RTN4RL1: variants seen among roughly 807,000 people sequenced by gnomAD.
RTN4RL1 encodes reticulon-4 receptor-like 1.
Under a neutral mutation model 25.6 loss-of-function variants are expected in RTN4RL1, and 7 were observed. The ratio of observed to expected loss-of-function variants is 0.27; its 90% CI spans 0.16 to 0.51. The LOEUF is 0.51. Ranked by LOEUF, RTN4RL1 falls within the 20% of genes least tolerant of loss-of-function variation. RTN4RL1 has a pLI of 0.97. For synonymous variants in RTN4RL1, 297 were observed against 288.2 expected, an observed-to-expected ratio of 1.03 and a Z score of -0.31; for missense variants, 500 against 615.6, an observed-to-expected ratio of 0.81 and a Z score of 1.99.
chr17:1,984,995 G>C (rs2066882044), intron 1 of RTN4RL1, among the ~76,000 whole-genome samples: 1 of 152,078 alleles, frequency 6.6e-6, no homozygotes, highest in South Asian at 2.1e-4. Flanking sequence ...AGAAAAATAG[G>C]AGAAATGGAA....
Position 1,998,138 on chromosome 17 carries a change from G to A in RTN4RL1, c.13+26715C>T, listed in dbSNP as rs1225920345. Among the ~76,000 whole-genome samples, 3 of 152,264 alleles carry A rather than the reference G, an allele frequency of 2.0e-5. No homozygotes were observed. The highest frequency in any genetic ancestry group is 7.2e-5 in the African/African-American group (3 of 41,566). ...GGCAGGGGAGCCAGACGGCGGCGGAGGGGGCGGGGAGGCCTCCTTGGCTCC... is the reference window on the plus strand; with the variant it reads ...GGCAGGGGAGCCAGACGGCGGCGGAAGGGGCGGGGAGGCCTCCTTGGCTCC... On this transcript the variant is annotated intron_variant, in intron 1 of 1. Coordinates refer to ENST00000331238, the MANE Select transcript of RTN4RL1 (RefSeq NM_178568.4). This position sits in a 1 kb window ranked among gnomAD's most constrained non-coding sequence, Gnocchi z 4.9.
At chr17:1,991,838 C>T (rs1052188215) in intron 1 of RTN4RL1, among the ~76,000 whole-genome samples, 4 of 152,162 alleles carry the variant, frequency 2.6e-5, no homozygotes, top group African/African-American at 9.7e-5. Flanking sequence ...CTCCCACATG[C>T]GCATTTCTGC....
intron 1 of RTN4RL1, among the ~76,000 whole-genome samples, chr17:2,002,514 A>G (rs7215572): frequency 0.74 from 111,397 of 150,646 alleles, 41,999 homozygotes; most frequent in African/African-American, 0.88. Flanking sequence ...GGATGGTCTC[A>G]ATCTCCTGAC....
intron 1 of RTN4RL1, among the ~76,000 whole-genome samples, chr17:2,023,853 C>T (rs1442410055): frequency 6.6e-6 from 1 of 152,214 alleles, no homozygotes; most frequent in Non-Finnish European, 1.5e-5. Flanking sequence ...GCTCCCGCCT[C>T]AGCCGCTCCC....
At chr17:1,987,276 G>C (rs978836155) in intron 1 of RTN4RL1, among the ~76,000 whole-genome samples, 1 of 152,050 alleles carries the variant, frequency 6.6e-6, no homozygotes, top group African/African-American at 2.4e-5. Flanking sequence ...ATCAACACCT[G>C]CTCCCAGGCC....
At chr17:1,959,345 C>T (rs569156972) in intron 1 of RTN4RL1, among the ~76,000 whole-genome samples, 1 of 152,332 alleles carries the variant, frequency 6.6e-6, no homozygotes, top group South Asian at 2.1e-4. Context: ...CTTGGCAGCA[C>T]TGGACACAGT....
At chr17:2,011,531 T>C (rs2067049737) in intron 1 of RTN4RL1, among the ~76,000 whole-genome samples, 2 of 151,756 alleles carry the variant, frequency 1.3e-5, no homozygotes, top group Non-Finnish European at 2.9e-5. Context: ...GCTTTGGATG[T>C]GGGGCAAGAG....
Position 2,006,307 on chromosome 17 carries a change from G to A in RTN4RL1, c.13+18546C>T, listed in dbSNP as rs191188787. Among the ~76,000 whole-genome samples, 760 of 152,110 alleles carry A rather than the reference G, an allele frequency of 5.0e-3. 5 individuals are homozygous for A. The highest frequency in any genetic ancestry group is 8.3e-3 in the Non-Finnish European group (564 of 67,998). On this transcript the variant is annotated intron_variant, in intron 1 of 1. Transcript: ENST00000331238. ...CAAGTAGCTGGGATTACAGGCGCGCGCCACCACACCCAGCTAATTTTTTTG... is the reference window on the plus strand; with the variant it reads ...CAAGTAGCTGGGATTACAGGCGCGCACCACCACACCCAGCTAATTTTTTTG...
chr17:1,971,466 C>T (rs975256832), intron 1 of RTN4RL1, among the ~76,000 whole-genome samples: 20 of 152,128 alleles, frequency 1.3e-4, no homozygotes, highest in African/African-American at 4.8e-4. Flanking sequence ...GGAAGCTGAG[C>T]CTCAAAGAGG....
chr17:1,951,678 C>T (rs1458022464), intron 1 of RTN4RL1, among the ~76,000 whole-genome samples: 2 of 152,056 alleles, frequency 1.3e-5, no homozygotes, highest in Non-Finnish European at 2.9e-5. Flanking sequence ...GTCTCGAACT[C>T]CTGACCTCAG....
At chr17:1,953,395 C>T (rs1255340673) in intron 1 of RTN4RL1, among the ~76,000 whole-genome samples, 1 of 151,888 alleles carries the variant, frequency 6.6e-6, no homozygotes, top group East Asian at 1.9e-4. Flanking sequence ...AGAGCGAGAT[C>T]CCGTCTCAAA....
chr17:2,024,806 T>G, intron 1 of RTN4RL1, 47 bp downstream of exon 1: 1 of 1,546,086 alleles, frequency 6.5e-7, no homozygotes, highest in South Asian at 1.2e-5. Context: ...TCGCGGCTCT[T>G]TCCGGAGCGC....
rs1477617151 is a variant in RTN4RL1, at chr17:1,979,183, G to T, written c.14-41375C>A. The stretch of plus-strand genomic sequence containing the variant: ...AGTTATTCAGGAGGCTGAGGCAGGA[G>T]AATTGCTTGAACCTGGAAAGCAAAG... On this transcript the variant is annotated intron_variant, in intron 1 of 1. Transcript: ENST00000331238. Among the ~76,000 whole-genome samples the T allele has an allele frequency of 2.6e-5, 4 of 152,238 alleles. No individual in the cohort carries two copies. In the East Asian group the frequency reaches 5.8e-4, roughly 22 times the overall value.
At chr17:2,022,678 CAA>C (rs1165516875) in intron 1 of RTN4RL1, among the ~76,000 whole-genome samples, 2 of 152,252 alleles carry the variant, frequency 1.3e-5, no homozygotes, top group Non-Finnish European at 2.9e-5. Context: ...AGAACCAACA[CAA>C]GTCACCCGTC....
At chr17:1,952,991 T>A (rs1204161123) in intron 1 of RTN4RL1, among the ~76,000 whole-genome samples, 1 of 150,232 alleles carries the variant, frequency 6.7e-6, no homozygotes, top group African/African-American at 2.5e-5. Context: ...GTGGGAGAAC[T>A]GCTTGAACCC....
rs963350812 is a variant in RTN4RL1 at position 1,998,300 on chromosome 17, C to G, written c.13+26553G>C. Among the ~76,000 whole-genome samples, 26 of 152,284 alleles carry G rather than the reference C, an allele frequency of 1.7e-4. No homozygotes were observed. Among genetic ancestry groups the G allele is most frequent in the African/African-American group, 6.0e-4 (25 of 41,574 alleles). ...CCCCAAGGCCTCCCGCAGGCCGACC[C>G]GAGCCGAGCGCGCCCTTTGGGCACC... is the stretch of plus-strand genomic sequence containing the variant. On this transcript the variant is annotated intron_variant, in intron 1 of 1. Transcript: ENST00000331238. This position sits in a 1 kb window ranked among gnomAD's most constrained non-coding sequence, Gnocchi z 4.9.
At chr17:2,008,932 T>C (rs1206738815) in intron 1 of RTN4RL1, among the ~76,000 whole-genome samples, 3 of 152,130 alleles carry the variant, frequency 2.0e-5, no homozygotes, top group African/African-American at 7.2e-5. Flanking sequence ...TCCTAGCAGG[T>C]TGTAAATTTC....
rs182594342 is a variant in RTN4RL1 at position 1,936,865 on chromosome 17, G to C, written c.957C>G (p.Thr319=). ...CCTTGCGGGCGGCCCTGTCGGTGGT[G>C]GTGAGCGTGTGTGACTTGATCTGGT... ...SPHQIKSHTL[T]TTDRAARKEH... Residue 319 remains threonine (T), a synonymous_variant, in exon 2 of 2, where the codon ACC becomes ACG. Coordinates refer to ENST00000331238, the MANE Select transcript of RTN4RL1 (RefSeq NM_178568.4). The C allele has an allele frequency of 1.8e-4, 291 of 1,595,188 alleles. No individual in the cohort carries two copies. In the African/African-American group the frequency reaches 3.5e-3, roughly 19 times the overall value.
intron 1 of RTN4RL1, among the ~76,000 whole-genome samples, chr17:1,981,792 T>C (rs1173132567): frequency 1.3e-5 from 2 of 152,234 alleles, no homozygotes; most frequent in African/African-American, 4.8e-5. Flanking sequence ...AGCACAGTCA[T>C]GCATCACTTA....
Sources: gnomAD v4.1 joint callset for allele counts (sites outside exome capture counted in the v4.1 genomes callset) on GRCh38, gnomAD v4.1.1 for gene constraint, Gnocchi (gnomAD v3.1) non-coding constraint, MANE v1.5 for transcripts, NCBI Gene and HGNC (gene_info 2026-07-23, HGNC 2026-07-21) for gene names.